Variants in TENM3 observed in about 807,000 individuals in gnomAD.
TENM3 encodes the protein teneurin transmembrane protein 3, also known as teneurin-3.
In TENM3, 63 loss-of-function variants were observed where a neutral mutation model predicts 255.1. That is an observed-to-expected ratio of 0.25 (90% CI 0.20 to 0.30). The LOEUF (loss-of-function observed/expected upper bound fraction) is 0.30. Ranked by LOEUF, TENM3 falls within the 10% of genes least tolerant of loss-of-function variation. The probability of loss-of-function intolerance (pLI) is 1.00; values close to 1 mark genes in which losing one functional copy is unlikely to be tolerated. For synonymous variants in TENM3, 1,306 were observed against 1,322.3 expected (o/e 0.99, Z 0.27); for missense variants, 2,929 against 3,461.1 (o/e 0.85, Z 3.86).
chr4:182,065,651 T>A, the TENM3 span, among the ~76,000 whole-genome samples: 2 of 152,268 alleles, frequency 1.3e-5, no homozygotes, highest in Admixed American at 1.3e-4. Context: ...CGACCTGAGA[T>A]TTGGGCAGAG....
the TENM3 span, among the ~76,000 whole-genome samples, chr4:182,105,267 T>A: frequency 6.6e-6 from 1 of 152,134 alleles, no homozygotes; most frequent in South Asian, 2.1e-4. Flanking sequence ...CCTTTCTGAT[T>A]CAGTAGGTTT....
intron 11 of TENM3, among the ~76,000 whole-genome samples, chr4:182,682,398 A>G (rs1008472867): frequency 6.6e-6 from 1 of 152,218 alleles, no homozygotes; most frequent in African/African-American, 2.4e-5. Context: ...TCATTTGACA[A>G]TATAAGGCTA....
chr4:181,508,967 G>A, the TENM3 span, among the ~76,000 whole-genome samples: 1 of 114,048 alleles, frequency 8.8e-6, no homozygotes, highest in Non-Finnish European at 1.6e-5. Context: ...TAACAAAATT[G>A]AGCAGCACGT....
At position 182,736,529 on chromosome 4, in the gene TENM3, G is replaced by A. The variant is rs4353944; in HGVS notation, c.2968-279G>A. 0.71 allele frequency among the ~76,000 whole-genome samples: 108,387 copies of A among 152,086 alleles called. 39,166 individuals are homozygous for A. The highest frequency in any genetic ancestry group is 0.9 in the East Asian group (4,661 of 5,174). ...TATGATTAACTCAGAATAAATGACA[G>A]GAGGCTTTTAGGAAGAGACATTTGG... On this transcript the variant is annotated intron_variant, in intron 16 of 27. Transcript: ENST00000511685.
rs1025293237 is a variant in TENM3 at position 182,463,044 on chromosome 4, C to T, written c.511+116115C>T. 2.6e-5 allele frequency among the ~76,000 whole-genome samples: 4 copies of T among 152,202 alleles called. No individual in the cohort carries two copies. In the South Asian group the frequency reaches 6.2e-4, roughly 24 times the overall value. On this transcript the variant is annotated intron_variant, in intron 3 of 27. Transcript: ENST00000511685. ...CAACCCACATCTAGTCAGCCCTCCC[C>T]GTGTGCAGGTTCTGCATCCCATAAT...
chr4:181,804,154 G>GGAAGGAAGGAAA, the TENM3 span, among the ~76,000 whole-genome samples: 7 of 149,920 alleles, frequency 4.7e-5, no homozygotes, highest in African/African-American at 7.4e-5. Flanking sequence ...GAGGAACCAA[G>GGAAGGAAGGAAA]GAAGGAAGGA....
intron 1 of TENM3, among the ~76,000 whole-genome samples, chr4:182,257,457 G>A (rs1758479245): frequency 6.6e-6 from 1 of 152,138 alleles, no homozygotes; most frequent in South Asian, 2.1e-4. Context: ...TGGCGTTACT[G>A]TCTCTAAAAC....
intron 18 of TENM3, 112 bp downstream of exon 18, chr4:182,738,656 G>A: frequency 2.4e-6 from 2 of 844,096 alleles, no homozygotes; most frequent in Non-Finnish European, 3.4e-6. Context: ...TATCCATGCT[G>A]TAGGATTAGA....
the TENM3 span, among the ~76,000 whole-genome samples, chr4:181,888,487 G>A: frequency 4.3e-4 from 29 of 67,204 alleles, no homozygotes; most frequent in African/African-American, 1.4e-3. Context: ...AAAACCAATA[G>A]AAATGTGTAT....
chr4:182,435,485 G>C (rs1771976247), intron 3 of TENM3, among the ~76,000 whole-genome samples: 1 of 152,168 alleles, frequency 6.6e-6, no homozygotes, highest in South Asian at 2.1e-4. Context: ...ATAGACCCAA[G>C]TGTTAAGATG....
At chr4:182,636,215 A>G (rs996988597) in intron 5 of TENM3, among the ~76,000 whole-genome samples, 4 of 152,170 alleles carry the variant, frequency 2.6e-5, no homozygotes, top group African/African-American at 9.7e-5. Context: ...TGTTGCCTAT[A>G]TTTTAGAGGA....
At chr4:181,924,433 G>A in the TENM3 span, among the ~76,000 whole-genome samples, 1 of 152,154 alleles carries the variant, frequency 6.6e-6, no homozygotes, top group African/African-American at 2.4e-5. Context: ...TCTCAGACCT[G>A]AGAATCATCA....
chr4:182,612,546 G>A (rs1057038782), intron 4 of TENM3, among the ~76,000 whole-genome samples: 4 of 152,124 alleles, frequency 2.6e-5, no homozygotes, highest in African/African-American at 4.8e-5. Flanking sequence ...ATACAAGTTT[G>A]ATATGTAATT....
the TENM3 span, among the ~76,000 whole-genome samples, chr4:181,561,522 A>G: frequency 6.6e-6 from 1 of 152,218 alleles, no homozygotes; most frequent in Non-Finnish European, 1.5e-5. Context: ...AGGATAATCA[A>G]TCAGTAGTAA....
chr4:182,642,827 T>G (rs2152496360), intron 5 of TENM3, among the ~76,000 whole-genome samples: 1 of 152,312 alleles, frequency 6.6e-6, no homozygotes, highest in Non-Finnish European at 1.5e-5. Flanking sequence ...AGAGTGCATA[T>G]TAATATGAAA....
chr4:181,632,477 T>G, the TENM3 span, among the ~76,000 whole-genome samples: 2 of 152,206 alleles, frequency 1.3e-5, no homozygotes, highest in Non-Finnish European at 2.9e-5. Flanking sequence ...TAAAAGAGCT[T>G]TGCAAATATT....
the TENM3 span, among the ~76,000 whole-genome samples, chr4:181,583,455 A>G: frequency 6.6e-6 from 1 of 152,208 alleles, no homozygotes; most frequent in Admixed American, 6.5e-5. Context: ...TTCATGCTCA[A>G]AAATGTCCTG....
chr4:181,565,543 A>G, the TENM3 span, among the ~76,000 whole-genome samples: 1 of 152,204 alleles, frequency 6.6e-6, no homozygotes, highest in Non-Finnish European at 1.5e-5. Context: ...TGTGCAGAAT[A>G]TTACAGGGAT....
intron 3 of TENM3, among the ~76,000 whole-genome samples, chr4:182,566,362 T>C (rs967022350): frequency 6.6e-6 from 1 of 152,154 alleles, no homozygotes; most frequent in Non-Finnish European, 1.5e-5. Flanking sequence ...ATTTTAAGGG[T>C]CTCCTTATTA....
Sources: gnomAD v4.1 joint callset for allele counts (sites outside exome capture counted in the v4.1 genomes callset) on GRCh38, gnomAD v4.1.1 for gene constraint, MANE v1.5 for transcripts, NCBI Gene and HGNC (gene_info 2026-07-23, HGNC 2026-07-21) for gene names.